Variants in CA8 observed in about 807,000 individuals in gnomAD.
The protein encoded by CA8 is carbonic anhydrase-related protein.
CA8 carries 22 observed loss-of-function variants against 41.4 expected under a neutral mutation model. The observed-to-expected ratio is 0.53, with a 90% CI of 0.38 to 0.76. The LOEUF is 0.76. CA8 is among the 30% of genes least tolerant of loss of function. The pLI is 0.00. For synonymous variants in CA8, 121 were observed against 130.6 expected, an observed-to-expected ratio of 0.93 and a Z score of 0.50; for missense variants, 270 against 352.8, an observed-to-expected ratio of 0.77 and a Z score of 1.88.
chr8:60,250,852 T>A (rs1216200078), intron 3 of CA8, among the ~76,000 whole-genome samples: 2 of 152,172 alleles, frequency 1.3e-5, no homozygotes, highest in Non-Finnish European at 2.9e-5. Context: ...ATCACACATC[T>A]GACCAACTCC....
At position 60,194,651 on chromosome 8, in the gene CA8, G is replaced by T. The variant is rs147021731; in HGVS notation, c.*36-4666C>A. 3.0e-3 allele frequency among the ~76,000 whole-genome samples: 452 copies of T among 152,260 alleles called. 2 individuals carry two copies. The highest frequency in any genetic ancestry group is 0.01 in the African/African-American group (418 of 41,550). On this transcript the variant is annotated intron_variant, in intron 8 of 8. Transcript: ENST00000317995. The stretch of plus-strand genomic sequence containing the variant: ...TCTTAAATAGCTTTCAACCAATACA[G>T]ATGTCTTTAGCCTCCTTTTACTCCA...
At chr8:60,261,813 G>A (rs574436198) in intron 3 of CA8, among the ~76,000 whole-genome samples, 3 of 152,294 alleles carry the variant, frequency 2.0e-5, no homozygotes, top group African/African-American at 4.8e-5. Context: ...CCGGGTTCAC[G>A]CCATTCTCCT....
intron 8 of CA8, among the ~76,000 whole-genome samples, chr8:60,202,919 G>A (rs915343842): frequency 6.6e-6 from 1 of 152,096 alleles, no homozygotes; most frequent in Admixed American, 6.5e-5. Flanking sequence ...AAGAAAACCT[G>A]CTTAATGAAG....
intron 5 of CA8, among the ~76,000 whole-genome samples, chr8:60,224,811 T>C (rs1046396731): frequency 6.6e-5 from 10 of 152,190 alleles, no homozygotes; most frequent in African/African-American, 2.4e-4. Flanking sequence ...CAATTCTCCC[T>C]GTAAGTCCTG....
intron 2 of CA8, among the ~76,000 whole-genome samples, chr8:60,275,382 G>C (rs1036419772): frequency 6.6e-6 from 1 of 151,808 alleles, no homozygotes. Context: ...AACAGAGACA[G>C]GTAGGGATAG....
intron 7 of CA8, among the ~76,000 whole-genome samples, chr8:60,215,141 T>C (rs1338612425): frequency 6.6e-6 from 1 of 152,234 alleles, no homozygotes; most frequent in Non-Finnish European, 1.5e-5. Context: ...CACATTTTAA[T>C]GACTCTGTGA....
At chr8:60,257,768 T>C (rs1025472431) in intron 3 of CA8, among the ~76,000 whole-genome samples, 1 of 152,236 alleles carries the variant, frequency 6.6e-6, no homozygotes. Context: ...GTCTTCCACA[T>C]AGTAGTTGAT....
chr8:60,190,671 T>C (rs1311154452), intron 8 of CA8, among the ~76,000 whole-genome samples: 1 of 150,164 alleles, frequency 6.7e-6, no homozygotes, highest in Non-Finnish European at 1.5e-5. Context: ...AGAATGCATA[T>C]ACTTTTGGAC....
chr8:60,201,537 G>T (rs1276244462), intron 8 of CA8, among the ~76,000 whole-genome samples: 1 of 152,164 alleles, frequency 6.6e-6, no homozygotes, highest in African/African-American at 2.4e-5. Flanking sequence ...ATCAGAACCT[G>T]CTGAGAGATC....
intron 4 of CA8, among the ~76,000 whole-genome samples, chr8:60,230,834 G>A (rs976249518): frequency 1.3e-5 from 2 of 152,156 alleles, no homozygotes; most frequent in Non-Finnish European, 2.9e-5. Context: ...ACGAATCCAG[G>A]TCACCTGTTA....
At chr8:60,249,213 T>C (rs763914810) in intron 3 of CA8, among the ~76,000 whole-genome samples, 2 of 152,070 alleles carry the variant, frequency 1.3e-5, no homozygotes, top group Non-Finnish European at 2.9e-5. Context: ...CAATCATGAG[T>C]AAACAAAGCA....
At chr8:60,208,620 T>C (rs1806723321) in intron 8 of CA8, 130 bp downstream of exon 8, 2 of 774,290 alleles carry the variant, frequency 2.6e-6, no homozygotes, top group Admixed American at 2.1e-5. Context: ...CAAGAATGTG[T>C]CATAAATTTT....
chr8:60,199,040 G>C (rs1434183403), intron 8 of CA8, among the ~76,000 whole-genome samples: 2 of 151,608 alleles, frequency 1.3e-5, no homozygotes, highest in African/African-American at 2.4e-5. Context: ...GCAACATAAA[G>C]GTTGCAGGAA....
At chr8:60,222,953 T>G (rs545918758) in intron 6 of CA8, among the ~76,000 whole-genome samples, 192 bp from the exon 7 acceptor site, 2 of 152,334 alleles carry the variant, frequency 1.3e-5, no homozygotes, top group East Asian at 3.9e-4. Flanking sequence ...GCATGATGAA[T>G]TCTCTATTAT....
At chr8:60,194,636 C>G (rs993695589) in intron 8 of CA8, among the ~76,000 whole-genome samples, 2 of 152,180 alleles carry the variant, frequency 1.3e-5, no homozygotes, top group Non-Finnish European at 2.9e-5. Context: ...TCTTAAATAG[C>G]TTTCAACCAA....
At chr8:60,269,112 T>C (rs1383989729) in intron 2 of CA8, among the ~76,000 whole-genome samples, 2 of 152,218 alleles carry the variant, frequency 1.3e-5, no homozygotes, top group African/African-American at 4.8e-5. Flanking sequence ...AGGTGCCAGG[T>C]AAGAGCATTA....
intron 3 of CA8, among the ~76,000 whole-genome samples, chr8:60,259,894 C>A (rs1054891029): frequency 2.0e-5 from 3 of 151,380 alleles, no homozygotes; most frequent in Admixed American, 6.6e-5. Flanking sequence ...TAATCATCAT[C>A]ATAATAATTA....
intron 3 of CA8, among the ~76,000 whole-genome samples, chr8:60,246,881 T>C (rs1808260018): frequency 7.4e-6 from 1 of 135,418 alleles, no homozygotes; most frequent in African/African-American, 2.8e-5. Context: ...ACCACTTTTT[T>C]TTTTTTTTTT....
intron 2 of CA8, among the ~76,000 whole-genome samples, chr8:60,266,663 T>C (rs758841218): frequency 1.2e-4 from 18 of 152,144 alleles, no homozygotes; most frequent in Non-Finnish European, 2.6e-4. Context: ...TTAACATCAG[T>C]CCCACAGGAC....
Sources: allele counts gnomAD v4.1 joint callset (sites outside exome capture counted in the v4.1 genomes callset), GRCh38; gene constraint gnomAD v4.1.1; transcripts MANE v1.5; gene names NCBI Gene and HGNC (gene_info 2026-07-23, HGNC 2026-07-21).